Variants in ENOX2 observed in about 807,000 individuals in gnomAD.
The protein encoded by ENOX2 is ecto-NOX disulfide-thiol exchanger 2, also known as APK1 antigen.
In ENOX2, 36 loss-of-function variants were observed where a neutral mutation model predicts 45.0. The observed-to-expected ratio is 0.80, with a 90% confidence interval of 0.61 to 1.06. ENOX2 has a LOEUF of 1.06. ENOX2 is among the 50% of genes least tolerant of loss of function. ENOX2 has a pLI of 0.00. For missense variants in ENOX2, 423 were observed against 462.5 expected (o/e 0.91, Z 0.78); for synonymous variants, 174 against 152.3 (o/e 1.14, Z -1.05).
intron 4 of ENOX2, among the ~76,000 whole-genome samples, chrX:130,697,974 C>T (rs2037805205): frequency 9.0e-6 from 1 of 111,335 alleles, no homozygotes; most frequent in African/African-American, 3.3e-5. Flanking sequence ...ATGTCGAGCG[C>T]CTCACTATCT....
intron 3 of ENOX2, among the ~76,000 whole-genome samples, chrX:130,762,650 T>C: frequency 8.9e-6 from 1 of 112,180 alleles, no homozygotes; most frequent in East Asian, 2.8e-4. Context: ...AGTTTTCAAG[T>C]CTTTGGAGAT....
At chrX:130,686,196 AC>A (rs1008664404) in intron 5 of ENOX2, among the ~76,000 whole-genome samples, 8 of 110,584 alleles carry the variant, frequency 7.2e-5, no homozygotes, top group Admixed American at 5.8e-4. Flanking sequence ...GAATTGTAAT[AC>A]CCCATGTTAG....
intron 9 of ENOX2, among the ~76,000 whole-genome samples, chrX:130,657,313 A>C (rs1035022164): frequency 2.7e-5 from 3 of 112,091 alleles, no homozygotes; most frequent in African/African-American, 9.7e-5. Flanking sequence ...CTTGGAAGAA[A>C]GGAATAGCAT....
At chrX:130,708,275 T>C (rs940652732) in intron 3 of ENOX2, among the ~76,000 whole-genome samples, 1 of 111,914 alleles carries the variant, frequency 8.9e-6, no homozygotes, top group Non-Finnish European at 1.9e-5. Flanking sequence ...GTAATAGTTA[T>C]GGTAAACGAT....
chrX:130,737,965 A>G (rs773456661), intron 3 of ENOX2, among the ~76,000 whole-genome samples: 6 of 112,131 alleles, frequency 5.4e-5, no homozygotes, highest in Admixed American at 9.5e-5. Context: ...AGAGGACCAG[A>G]GAAGGAGCAC....
chrX:130,709,637 C>CAAAAAAAAAAA (rs60183563), intron 3 of ENOX2, among the ~76,000 whole-genome samples: 1 of 30,075 alleles, frequency 3.3e-5, no homozygotes, highest in Non-Finnish European at 6.3e-5. Context: ...GACTCTGTCT[C>CAAAAAAAAAAA]AAAAAAAAAA....
intron 9 of ENOX2, among the ~76,000 whole-genome samples, chrX:130,663,706 G>C (rs1348210657): frequency 9.0e-6 from 1 of 110,995 alleles, no homozygotes; most frequent in Non-Finnish European, 1.9e-5. Flanking sequence ...GTATCAAAGG[G>C]AAGGTAGAAA....
intron 2 of ENOX2, among the ~76,000 whole-genome samples, chrX:130,817,081 C>T (rs1178050583): frequency 6.3e-5 from 7 of 111,576 alleles, no homozygotes; most frequent in African/African-American, 2.3e-4. Context: ...ACTGATAAAG[C>T]GGAGATCACC....
At chrX:130,690,228 A>G (rs2037557680) in intron 4 of ENOX2, among the ~76,000 whole-genome samples, 1 of 111,561 alleles carries the variant, frequency 9.0e-6, no homozygotes, top group African/African-American at 3.3e-5. Context: ...GAATACAAGG[A>G]GGAGCTGCTC....
chrX:130,814,214 G>T (rs1438386970), intron 2 of ENOX2, among the ~76,000 whole-genome samples: 2 of 112,414 alleles, frequency 1.8e-5, no homozygotes, highest in African/African-American at 6.5e-5. Flanking sequence ...TCTGGGAAAG[G>T]CATCTCTGAA....
At chrX:130,695,905 A>T (rs1406372703) in intron 4 of ENOX2, among the ~76,000 whole-genome samples, 3 of 111,786 alleles carry the variant, frequency 2.7e-5, no homozygotes. Flanking sequence ...GAGAGAACAC[A>T]GATTTCCAAG....
At chrX:130,824,481 G>A (rs1290300596) in intron 2 of ENOX2, among the ~76,000 whole-genome samples, 1 of 111,691 alleles carries the variant, frequency 9.0e-6, no homozygotes, top group Non-Finnish European at 1.9e-5. Flanking sequence ...TTAATTTAAT[G>A]AGAAGTATTC....
At chrX:130,779,871 G>A (rs1049605306) in intron 3 of ENOX2, among the ~76,000 whole-genome samples, 2 of 111,128 alleles carry the variant, frequency 1.8e-5, no homozygotes, top group African/African-American at 6.6e-5. Context: ...AGTTCAAGGT[G>A]GTCCACAATC....
intron 14 of ENOX2, 34 bp from the exon 15 acceptor site, chrX:130,625,479 C>T: frequency 1.7e-6 from 2 of 1,188,285 alleles, no homozygotes; most frequent in Non-Finnish European, 2.3e-6. Flanking sequence ...CATTCAAAAC[C>T]AGTTCTATTT....
At chrX:130,791,571 C>T (rs1168431406) in intron 2 of ENOX2, among the ~76,000 whole-genome samples, 3 of 111,898 alleles carry the variant, frequency 2.7e-5, no homozygotes, top group African/African-American at 9.8e-5. Context: ...AAATTTTTGA[C>T]TTATGATATT....
At position 130,637,229 on chromosome X, in the gene ENOX2, C is replaced by T. The variant is rs1258153636; in HGVS notation, c.1311G>A (p.Gln437=). 8.3e-7 allele frequency: 1 copy of T among 1,208,609 alleles called. No individual in the cohort carries two copies. The highest frequency in any genetic ancestry group is 1.8e-5 in the African/African-American group (1 of 57,131). Residue 437 remains glutamine, a splice_region_variant and synonymous_variant, in exon 11 of 15, where the codon CAG becomes CAA. Coordinates refer to ENST00000394363, the MANE Select transcript of ENOX2 (RefSeq NM_006375.4). ...GCTCAGAAAACCAAAATGCCTTTAC[C>T]TGTTGCATTCCTTGCAGGGCTTGTT... ...LLQQALQGMQ[Q]HLLKVQEEYK...
chrX:130,847,779 C>G (rs2078135559), intron 2 of ENOX2, among the ~76,000 whole-genome samples: 1 of 112,214 alleles, frequency 8.9e-6, no homozygotes, highest in Non-Finnish European at 1.9e-5. Context: ...ATATAATGTT[C>G]AATGATTCTA....
chrX:130,822,564 G>A (rs893091284), intron 2 of ENOX2, among the ~76,000 whole-genome samples: 1 of 110,399 alleles, frequency 9.1e-6, no homozygotes, highest in African/African-American at 3.3e-5. Flanking sequence ...ACTCCTAGGT[G>A]GGAACTGAAC....
At chrX:130,786,115 C>A (rs1009037630) in intron 2 of ENOX2, among the ~76,000 whole-genome samples, 1 of 113,114 alleles carries the variant, frequency 8.8e-6, no homozygotes, top group Non-Finnish European at 1.9e-5. Context: ...TAGCACCATA[C>A]CTTGAGCGCC....
Sources: gnomAD v4.1 joint callset for allele counts (sites outside exome capture counted in the v4.1 genomes callset) on GRCh38, gnomAD v4.1.1 for gene constraint, MANE v1.5 for transcripts, NCBI Gene and HGNC (gene_info 2026-07-23, HGNC 2026-07-21) for gene names.